Variants in TMEM132D observed in about 807,000 individuals in gnomAD.
TMEM132D encodes transmembrane protein 132D.
In TMEM132D, 21 loss-of-function variants were observed where a neutral mutation model predicts 62.3. The ratio of observed to expected loss-of-function variants is 0.34; its 90% confidence interval spans 0.24 to 0.49. The LOEUF is 0.49. TMEM132D is among the 20% of genes least tolerant of loss of function. The pLI is 0.99. For missense variants in TMEM132D, 1,346 were observed against 1,402.8 expected, an observed-to-expected ratio of 0.96 and a Z score of 0.65; for synonymous variants, 621 against 575.6, an observed-to-expected ratio of 1.08 and a Z score of -1.13.
At chr12:129,472,666 G>A (rs184235386) in intron 3 of TMEM132D, among the ~76,000 whole-genome samples, 12 of 152,278 alleles carry the variant, frequency 7.9e-5, no homozygotes, top group African/African-American at 2.9e-4. Flanking sequence ...AAGGTGGTTT[G>A]TGGACATAGT....
chr12:129,674,622 C>A lies in TMEM132D; in HGVS notation c.968+25188G>T, dbSNP rs551031921. Among the ~76,000 whole-genome samples the A allele has an allele frequency of 3.3e-5, 5 of 152,284 alleles. No homozygotes were observed. The East Asian group carries it at 9.7e-4, about 29-fold the overall frequency. On this transcript the variant is annotated intron_variant, in intron 2 of 8. Transcript: ENST00000422113. ...TGGCACTATCTCGGCTGACTGCAAC[C>A]TCCGCCTCCCAGGTTCATGCAATTC...
intron 2 of TMEM132D, among the ~76,000 whole-genome samples, chr12:129,676,821 T>G (rs531883010): frequency 6.6e-6 from 1 of 151,414 alleles, no homozygotes; most frequent in South Asian, 2.1e-4. Flanking sequence ...CTATCTATGT[T>G]TATCATCTAT....
chr12:129,159,758 CAAAAAAAAAAA>C (rs1188064357), intron 5 of TMEM132D, among the ~76,000 whole-genome samples: 3 of 27,402 alleles, frequency 1.1e-4, no homozygotes, highest in South Asian at 1.1e-3. Flanking sequence ...GACTCGGGCT[CAAAAAAAAAAA>C]AAAAAAAAGA....
chr12:129,600,204 G>A (rs575637064), intron 2 of TMEM132D, among the ~76,000 whole-genome samples: 2 of 152,352 alleles, frequency 1.3e-5, no homozygotes, highest in African/African-American at 4.8e-5. Flanking sequence ...CTCACCAGGA[G>A]TAGATTCCAT....
At chr12:129,245,301 A>C (rs1264407149) in intron 4 of TMEM132D, among the ~76,000 whole-genome samples, 3 of 152,204 alleles carry the variant, frequency 2.0e-5, no homozygotes, top group Non-Finnish European at 4.4e-5. Flanking sequence ...ACTTGGATCA[A>C]TACAGTGTGT....
Position 129,392,368 on chromosome 12 carries a change from A to G in TMEM132D, c.1116-54551T>C, listed in dbSNP as rs1219164819. 2.6e-5 allele frequency among the ~76,000 whole-genome samples: 4 copies of G among 152,218 alleles called. No homozygotes were observed. The South Asian group carries it at 8.3e-4, about 32-fold the overall frequency. On this transcript the variant is annotated intron_variant, in intron 3 of 8. Coordinates refer to ENST00000422113, the MANE Select transcript of TMEM132D (RefSeq NM_133448.3). The stretch of plus-strand genomic sequence containing the variant: ...CCACCGCCCCCTGCCTGGCCTCAGT[A>G]TTTCTTAAAAGTTCCCAGCTGACTG...
chr12:129,133,401 A>G (rs1876437861), intron 5 of TMEM132D, among the ~76,000 whole-genome samples: 1 of 152,234 alleles, frequency 6.6e-6, no homozygotes, highest in Non-Finnish European at 1.5e-5. Flanking sequence ...ATAATCAAAT[A>G]TTATTCAGCC....
At chr12:129,175,977 T>A (rs1049211148) in intron 5 of TMEM132D, among the ~76,000 whole-genome samples, 4 of 152,190 alleles carry the variant, frequency 2.6e-5, no homozygotes, top group Non-Finnish European at 2.9e-5. Context: ...TTGCAAAACA[T>A]CAAGTGGAGT....
At chr12:129,414,728 T>C (rs938231217) in intron 3 of TMEM132D, among the ~76,000 whole-genome samples, 12 of 152,234 alleles carry the variant, frequency 7.9e-5, no homozygotes, top group Non-Finnish European at 1.5e-4. Flanking sequence ...ATCGTTACCA[T>C]GCCACACATT....
rs182886028 is a variant in TMEM132D, at chr12:129,639,233, A to C, written c.968+60577T>G. On this transcript the variant is annotated intron_variant, in intron 2 of 8. Transcript: ENST00000422113. ...CCCCGTCTCTACTAAAAATACAAAA[A>C]ATAGCTGGGCATGGTGGTGGGTGCC... Among the ~76,000 whole-genome samples the C allele has an allele frequency of 5.1e-3, 775 of 151,580 alleles. 9 individuals carry two copies. Among genetic ancestry groups the C allele is most frequent in the African/African-American group, 0.018 (739 of 41,288 alleles).
At chr12:129,702,619 T>G (rs1881411373) in intron 1 of TMEM132D, among the ~76,000 whole-genome samples, 3 of 152,270 alleles carry the variant, frequency 2.0e-5, no homozygotes, top group Non-Finnish European at 4.4e-5. Flanking sequence ...TCCATCTGGG[T>G]TTTTCTGTAG....
At chr12:129,586,088 T>C (rs578040476) in intron 2 of TMEM132D, among the ~76,000 whole-genome samples, 1 of 150,576 alleles carries the variant, frequency 6.6e-6, no homozygotes, top group African/African-American at 2.5e-5. Flanking sequence ...CACATTGTAC[T>C]GTGGCAGAGA....
At chr12:129,453,410 G>A (rs1873363958) in intron 3 of TMEM132D, among the ~76,000 whole-genome samples, 1 of 152,166 alleles carries the variant, frequency 6.6e-6, no homozygotes, top group Non-Finnish European at 1.5e-5. Context: ...CAAAGAAAGG[G>A]CTAAGTCTGC....
intron 1 of TMEM132D, among the ~76,000 whole-genome samples, chr12:129,803,517 A>G (rs1488019574): frequency 6.6e-6 from 1 of 151,870 alleles, no homozygotes. Flanking sequence ...ACATACCAGA[A>G]TCTCTGGGAC....
intron 1 of TMEM132D, among the ~76,000 whole-genome samples, chr12:129,896,746 G>C (rs1049843537): frequency 6.6e-6 from 1 of 151,986 alleles, no homozygotes; most frequent in African/African-American, 2.4e-5. Context: ...TCCTAAGAGT[G>C]GAACCTCTTG....
intron 2 of TMEM132D, among the ~76,000 whole-genome samples, chr12:129,601,541 T>C (rs1878482476): frequency 6.6e-6 from 1 of 152,220 alleles, no homozygotes; most frequent in Non-Finnish European, 1.5e-5. Context: ...CTTAATCATT[T>C]CTAGCTTCTG....
intron 3 of TMEM132D, among the ~76,000 whole-genome samples, chr12:129,474,264 C>T (rs914105980): frequency 3.3e-5 from 5 of 152,208 alleles, no homozygotes; most frequent in Non-Finnish European, 7.3e-5. Flanking sequence ...CTTCTGCTCC[C>T]TCCTAACACA....
intron 4 of TMEM132D, among the ~76,000 whole-genome samples, chr12:129,226,849 C>T (rs539455358): frequency 1.3e-5 from 2 of 152,114 alleles, no homozygotes; most frequent in African/African-American, 2.4e-5. Context: ...TTCCCAGGAC[C>T]CCCGATTCAT....
At chr12:129,233,283 A>T (rs4391872) in intron 4 of TMEM132D, among the ~76,000 whole-genome samples, 1 of 151,988 alleles carries the variant, frequency 6.6e-6, no homozygotes, top group Admixed American at 6.6e-5. Flanking sequence ...ATCTGCACGC[A>T]ACAGTTCTTG....
Sources: allele counts gnomAD v4.1 joint callset (sites outside exome capture counted in the v4.1 genomes callset), GRCh38; gene constraint gnomAD v4.1.1; transcripts MANE v1.5; gene names NCBI Gene and HGNC (gene_info 2026-07-23, HGNC 2026-07-21).